Variants in FOXN3 observed in about 807,000 individuals in gnomAD.
FOXN3 encodes forkhead box N3.
FOXN3 carries 7 observed loss-of-function variants against 38.4 expected under a neutral mutation model. That is an observed-to-expected ratio of 0.18 (90% CI 0.10 to 0.34). The LOEUF is 0.34. Ranked by LOEUF, FOXN3 falls within the 10% of genes least tolerant of loss-of-function variation. The probability of loss-of-function intolerance (pLI) is 1.00; values close to 1 mark genes in which losing one functional copy is unlikely to be tolerated. For synonymous variants in FOXN3, 230 were observed against 242.2 expected (o/e 0.95, Z 0.47); for missense variants, 456 against 613.4 (o/e 0.74, Z 2.71).
At chr14:89,476,591 A>G (rs1317416496) in intron 1 of FOXN3, among the ~76,000 whole-genome samples, 1 of 152,234 alleles carries the variant, frequency 6.6e-6, no homozygotes, top group East Asian at 1.9e-4. Context: ...AGAAATCAAC[A>G]TGGACACATA....
chr14:89,410,150 CA>C (rs1891504575), intron 2 of FOXN3, among the ~76,000 whole-genome samples: 1 of 151,262 alleles, frequency 6.6e-6, no homozygotes, highest in African/African-American at 2.4e-5. Flanking sequence ...CATTTGCACA[CA>C]AACACGTCCA....
chr14:89,358,245 G>C (rs1188915999), intron 2 of FOXN3, among the ~76,000 whole-genome samples: 1 of 152,200 alleles, frequency 6.6e-6, no homozygotes, highest in Non-Finnish European at 1.5e-5. Flanking sequence ...ATTATCCATA[G>C]TTCACTGCCC....
chr14:89,329,855 CAAAAAAAAAAAAAAAAAA>C (rs57791098), intron 3 of FOXN3, among the ~76,000 whole-genome samples: 407 of 59,900 alleles, frequency 6.8e-3, no homozygotes, highest in Non-Finnish European at 9.7e-3. Flanking sequence ...GACTCAGTCT[CAAAAAAAAAAAAAAAAAA>C]AAAAAAAAAA....
intron 1 of FOXN3, among the ~76,000 whole-genome samples, chr14:89,468,424 A>G (rs8021960): frequency 0.079 from 12,054 of 152,038 alleles, 540 homozygotes; most frequent in Middle Eastern, 0.12. Flanking sequence ...ACTGCACAAC[A>G]TCCTGGGTGA....
chr14:89,324,484 G>A (rs1596184371), intron 3 of FOXN3, among the ~76,000 whole-genome samples: 1 of 134,932 alleles, frequency 7.4e-6, no homozygotes, highest in South Asian at 2.4e-4. Context: ...GTGTGTGTGT[G>A]TATGTACCCA....
intron 4 of FOXN3, among the ~76,000 whole-genome samples, chr14:89,249,388 C>T (rs1342685840): frequency 6.6e-6 from 1 of 152,188 alleles, no homozygotes; most frequent in Non-Finnish European, 1.5e-5. Context: ...ACTCTTAGAG[C>T]AGCCACTGTC....
At chr14:89,456,210 A>AAT (rs1555354910) in intron 1 of FOXN3, among the ~76,000 whole-genome samples, 35 of 151,422 alleles carry the variant, frequency 2.3e-4, no homozygotes, top group African/African-American at 8.0e-4. Flanking sequence ...AAAAAAAAAA[A>AAT]AAAACTAACC....
At chr14:89,451,511 G>T (rs1319102725) in intron 1 of FOXN3, among the ~76,000 whole-genome samples, 1 of 152,144 alleles carries the variant, frequency 6.6e-6, no homozygotes, top group Non-Finnish European at 1.5e-5. Flanking sequence ...CTGGCCTTTA[G>T]ATTGATATAA....
chr14:89,397,748 T>A (rs1044224489), intron 2 of FOXN3, among the ~76,000 whole-genome samples: 4 of 152,294 alleles, frequency 2.6e-5, no homozygotes, highest in African/African-American at 9.6e-5. Flanking sequence ...TCTGGCTGTG[T>A]CAATTTAGCA....
intron 1 of FOXN3, among the ~76,000 whole-genome samples, chr14:89,512,018 G>T (rs1443648799): frequency 6.6e-6 from 1 of 152,156 alleles, no homozygotes; most frequent in Non-Finnish European, 1.5e-5. Context: ...TACAATTCAA[G>T]ATGAGATTTG....
chr14:89,531,800 CTTGTTTTGTT>C (rs10550578), intron 1 of FOXN3, among the ~76,000 whole-genome samples: 21 of 151,034 alleles, frequency 1.4e-4, no homozygotes, highest in Non-Finnish European at 2.4e-4. Context: ...GCCAGTGGTT[CTTGTTTTGTT>C]TTGTTTTGTT....
intron 3 of FOXN3, among the ~76,000 whole-genome samples, chr14:89,294,485 A>C (rs1255559578): frequency 6.6e-6 from 1 of 152,202 alleles, no homozygotes; most frequent in East Asian, 1.9e-4. Context: ...CATCATGAAT[A>C]GGGGCTGGGT....
intron 4 of FOXN3, among the ~76,000 whole-genome samples, chr14:89,190,852 G>A (rs1887923307): frequency 1.3e-5 from 2 of 152,220 alleles, no homozygotes; most frequent in South Asian, 4.1e-4. Context: ...ACAGCATCAA[G>A]AAAGCATTAA....
intron 3 of FOXN3, among the ~76,000 whole-genome samples, chr14:89,298,134 G>A (rs544154371): frequency 8.5e-5 from 13 of 152,242 alleles, no homozygotes; most frequent in Middle Eastern, 3.4e-3. Flanking sequence ...CCTCACATAC[G>A]TTATAACATG....
chr14:89,583,713 C>T (rs766302734), intron 1 of FOXN3, among the ~76,000 whole-genome samples: 4 of 152,140 alleles, frequency 2.6e-5, no homozygotes, highest in Admixed American at 6.5e-5. Flanking sequence ...GCGTGTGCCA[C>T]CACATCTGGC....
At chr14:89,462,647 G>T (rs889021265) in intron 1 of FOXN3, among the ~76,000 whole-genome samples, 5 of 151,802 alleles carry the variant, frequency 3.3e-5, no homozygotes, top group African/African-American at 4.8e-5. Flanking sequence ...AGGGGGCTGG[G>T]TATGCTAACA....
intron 2 of FOXN3, among the ~76,000 whole-genome samples, chr14:89,358,362 C>T (rs963542676): frequency 2.0e-5 from 3 of 152,162 alleles, no homozygotes. Flanking sequence ...GGGATTTGGG[C>T]TGGGTCCTGT....
intron 2 of FOXN3, among the ~76,000 whole-genome samples, chr14:89,382,426 A>T (rs113907931): frequency 6.6e-6 from 1 of 152,036 alleles, no homozygotes; most frequent in East Asian, 1.9e-4. Context: ...GCCCTTCCCA[A>T]CATGGCACCT....
At chr14:89,437,913 G>A (rs552320746) in intron 1 of FOXN3, among the ~76,000 whole-genome samples, 1 of 152,318 alleles carries the variant, frequency 6.6e-6, no homozygotes, top group East Asian at 1.9e-4. Flanking sequence ...AGTTTATTGA[G>A]TGGTTACTAC....
Sources: gnomAD v4.1 joint callset for allele counts (sites outside exome capture counted in the v4.1 genomes callset) on GRCh38, gnomAD v4.1.1 for gene constraint, MANE v1.5 for transcripts, NCBI Gene and HGNC (gene_info 2026-07-23, HGNC 2026-07-21) for gene names.